TOX: variants seen among roughly 807,000 people sequenced by gnomAD.
The protein encoded by TOX is thymocyte selection-associated high mobility group box protein TOX.
A neutral mutation model predicts 53.7 loss-of-function variants in TOX; 11 were observed. The observed-to-expected ratio is 0.20, with a 90% confidence interval of 0.13 to 0.34. TOX has a LOEUF of 0.34. TOX is among the 10% of genes least tolerant of loss of function. TOX has a pLI of 1.00. For missense variants in TOX, 570 were observed against 664.6 expected (o/e 0.86, Z 1.56); for synonymous variants, 225 against 245.3 (o/e 0.92, Z 0.77).
chr8:59,077,121 C>T (rs1440977012), intron 1 of TOX, among the ~76,000 whole-genome samples: 1 of 152,190 alleles, frequency 6.6e-6, no homozygotes, highest in Non-Finnish European at 1.5e-5. Flanking sequence ...TGACCCACAC[C>T]CCATAAGGCA....
At chr8:58,945,284 C>G (rs1275975926) in intron 2 of TOX, among the ~76,000 whole-genome samples, 1 of 152,204 alleles carries the variant, frequency 6.6e-6, no homozygotes, top group Non-Finnish European at 1.5e-5. Flanking sequence ...GAAAAGCGAA[C>G]TTCTCTGGGC....
chr8:58,939,247 C>T (rs1024503511), intron 3 of TOX, 55 bp downstream of exon 3: 1 of 1,599,446 alleles, frequency 6.3e-7, no homozygotes, highest in Non-Finnish European at 8.5e-7. Flanking sequence ...GAACTTGGTC[C>T]TTGTCCTTAT....
intron 1 of TOX, among the ~76,000 whole-genome samples, chr8:58,988,404 T>C (rs1813375085): frequency 1.3e-5 from 2 of 152,156 alleles, no homozygotes; most frequent in Admixed American, 6.5e-5. Context: ...CCTGATACAA[T>C]GGCGGAGTTG....
Position 58,807,737 on chromosome 8 carries a change from G to C in TOX, c.*10C>G. The C allele has an allele frequency of 6.2e-7, 1 of 1,614,024 alleles. No individual in the cohort carries two copies. The highest frequency in any genetic ancestry group is 1.3e-5 in the African/African-American group (1 of 75,050). On this transcript the variant is annotated 3_prime_UTR_variant, in exon 9 of 9. Transcript: ENST00000361421. ...GAATTCCTCAGTGGAAAGAAGAGGT[G>C]TTCAGATTCTCAAGTAAGGTACAGT...
In TOX at chr8:58,815,432, A is replaced by G; in HGVS notation, c.1298T>C (p.Met433Thr). The G allele has an allele frequency of 6.2e-7, 1 of 1,614,084 alleles. No individual in the cohort carries two copies. Among genetic ancestry groups the G allele is most frequent in the Non-Finnish European group, 8.5e-7 (1 of 1,180,010 alleles). ...ISPPLHQHLN[M>T]QQHQPLTMQQ... The stretch of plus-strand genomic sequence containing the variant: ...CATGGTGAGCGGCTGGTGCTGCTGC[A>G]TGTTGAGATGCTGGTGAAGAGGCGG... Residue 433 changes from methionine to threonine, a missense_variant, in exon 7 of 9, where the codon ATG (methionine) becomes ACG (threonine). Met to Thr is a moderately conservative substitution (Grantham distance 81). Coordinates refer to ENST00000361421, the MANE Select transcript of TOX (RefSeq NM_014729.3).
chr8:59,050,253 C>A (rs1803763558), intron 1 of TOX, among the ~76,000 whole-genome samples: 1 of 152,146 alleles, frequency 6.6e-6, no homozygotes, highest in Non-Finnish European at 1.5e-5. Context: ...TACAATGAAG[C>A]AACAGCTCCA....
chr8:59,067,496 A>G (rs947672324), intron 1 of TOX, among the ~76,000 whole-genome samples: 2 of 152,190 alleles, frequency 1.3e-5, no homozygotes, highest in African/African-American at 2.4e-5. Context: ...CAGAGACTAC[A>G]GTGAGCTGCG....
intron 3 of TOX, among the ~76,000 whole-genome samples, chr8:58,861,073 A>G (rs145694122): frequency 6.6e-6 from 1 of 152,318 alleles, no homozygotes; most frequent in East Asian, 1.9e-4. Context: ...ATCAACGTCA[A>G]TATTACCAAG....
At chr8:58,948,841 C>T (rs982465065) in intron 2 of TOX, among the ~76,000 whole-genome samples, 2 of 149,450 alleles carry the variant, frequency 1.3e-5, no homozygotes, top group African/African-American at 5.0e-5. Flanking sequence ...AGAAAATATA[C>T]ATAGGAAAAA....
rs548697546 is a variant in TOX, at chr8:59,014,815, C to T, written c.103-54807G>A. The stretch of plus-strand genomic sequence containing the variant: ...GAATGGAGGAATGGTATTTATAATG[C>T]TAAATTTACAAACATGAGAGAAATT... On this transcript the variant is annotated intron_variant, in intron 1 of 8. Transcript: ENST00000361421. Among the ~76,000 whole-genome samples the T allele has an allele frequency of 8.5e-5, 13 of 152,156 alleles. No homozygotes were observed. The South Asian group carries it at 1.9e-3, about 22-fold the overall frequency.
chr8:59,029,174 C>T (rs1814303002), intron 1 of TOX, among the ~76,000 whole-genome samples: 1 of 152,034 alleles, frequency 6.6e-6, no homozygotes, highest in Admixed American at 6.6e-5. Context: ...TTTTCCTATA[C>T]ACTCTCATTT....
At chr8:59,108,401 T>C (rs1429785443) in intron 1 of TOX, among the ~76,000 whole-genome samples, 1 of 152,110 alleles carries the variant, frequency 6.6e-6, no homozygotes, top group East Asian at 1.9e-4. Context: ...GAACAATGTA[T>C]GACAACCGTA....
intron 1 of TOX, among the ~76,000 whole-genome samples, chr8:59,115,888 A>T (rs977964079): frequency 6.6e-6 from 1 of 152,170 alleles, no homozygotes; most frequent in Admixed American, 6.5e-5. Flanking sequence ...CAGTAGAGCA[A>T]TACTAGATTA....
intron 3 of TOX, among the ~76,000 whole-genome samples, chr8:58,869,730 G>A (rs1374898129): frequency 2.0e-5 from 3 of 152,018 alleles, no homozygotes; most frequent in African/African-American, 4.8e-5. Flanking sequence ...CAAGGTTAAA[G>A]TTCAACATTA....
At chr8:59,058,509 CTG>C (rs959670044) in intron 1 of TOX, among the ~76,000 whole-genome samples, 2 of 152,122 alleles carry the variant, frequency 1.3e-5, no homozygotes, top group African/African-American at 4.8e-5. Flanking sequence ...AATTTCATTT[CTG>C]TCTTTTTCTC....
chr8:58,920,877 T>G (rs1276304372), intron 3 of TOX, among the ~76,000 whole-genome samples: 1 of 151,808 alleles, frequency 6.6e-6, no homozygotes, highest in African/African-American at 2.4e-5. Context: ...TTGTTAGAAC[T>G]AAGAAAAAAA....
chr8:59,074,410 T>C (rs1008613127), intron 1 of TOX, among the ~76,000 whole-genome samples: 1 of 152,276 alleles, frequency 6.6e-6, no homozygotes, highest in Admixed American at 6.5e-5. Flanking sequence ...TCAATACTGA[T>C]TGAATGAACA....
chr8:58,818,385 A>C (rs920889763), intron 6 of TOX, among the ~76,000 whole-genome samples: 1 of 152,108 alleles, frequency 6.6e-6, no homozygotes, highest in African/African-American at 2.4e-5. Flanking sequence ...TTTTCCCTTT[A>C]TTTTCTAATC....
intron 1 of TOX, among the ~76,000 whole-genome samples, chr8:59,020,740 A>C (rs558761891): frequency 4.6e-4 from 70 of 152,262 alleles, no homozygotes; most frequent in African/African-American, 1.6e-3. Flanking sequence ...ATTATGTACC[A>C]TACTTTTACA....
Sources: allele counts gnomAD v4.1 joint callset (sites outside exome capture counted in the v4.1 genomes callset), GRCh38; gene constraint gnomAD v4.1.1; transcripts MANE v1.5; gene names NCBI Gene and HGNC (gene_info 2026-07-23, HGNC 2026-07-21).